Variants in C19orf18 observed in about 807,000 individuals in gnomAD.
C19orf18 encodes the protein uncharacterized protein C19orf18.
Under a neutral mutation model 23.3 loss-of-function variants are expected in C19orf18, and 21 were observed. That is an observed-to-expected ratio of 0.90 (90% CI 0.64 to 1.30). The LOEUF (loss-of-function observed/expected upper bound fraction) is 1.30. Ranked by LOEUF, C19orf18 falls within the 50% of genes most tolerant of loss-of-function variation. C19orf18 has a pLI of 0.00. For missense variants in C19orf18, 249 were observed against 259.6 expected (o/e 0.96, Z 0.28); for synonymous variants, 96 against 95.2 (o/e 1.01, Z -0.05).
intron 4 of C19orf18, among the ~76,000 whole-genome samples, chr19:57,964,223 C>G (rs1376571634): frequency 6.6e-6 from 1 of 152,140 alleles, no homozygotes; most frequent in Admixed American, 6.5e-5. Context: ...AGTTGCATTA[C>G]AAAACTTTAT....
chr19:57,958,835 G>T, intron 5 of C19orf18, 118 bp from the exon 6 acceptor site: 2 of 542,246 alleles, frequency 3.7e-6, no homozygotes, highest in Non-Finnish European at 6.4e-6. Context: ...ATTTTCAGAG[G>T]ATTCATAATG....
chr19:57,973,045 G>A (rs2072956312), intron 2 of C19orf18, among the ~76,000 whole-genome samples: 2 of 150,446 alleles, frequency 1.3e-5, no homozygotes, highest in African/African-American at 2.4e-5. Flanking sequence ...CTACTCAGGA[G>A]GCTGAGGCAG....
chr19:57,966,684 GTCTT>G (rs754746042), intron 3 of C19orf18, 52 bp from the exon 4 acceptor site: 1 of 1,253,976 alleles, frequency 8.0e-7, no homozygotes. Flanking sequence ...TTTTAGCTAT[GTCTT>G]TCAGTTAATA....
intron 3 of C19orf18, among the ~76,000 whole-genome samples, chr19:57,968,482 GT>G (rs2072923089): frequency 6.6e-6 from 1 of 152,146 alleles, no homozygotes; most frequent in Non-Finnish European, 1.5e-5. Context: ...GAAAGGAGGT[GT>G]GATTGCTGGT....
intron 4 of C19orf18, among the ~76,000 whole-genome samples, chr19:57,965,795 G>T (rs2123224620): frequency 1.3e-5 from 2 of 152,024 alleles, no homozygotes; most frequent in South Asian, 4.2e-4. Flanking sequence ...ATAAAATACT[G>T]AATTTTGGGA....
Position 57,961,640 on chromosome 19 carries a change from G to A in C19orf18, c.372-89C>T, listed in dbSNP as rs971255785. ...CATGCCACTTTTTGACAGGAAAGGA[G>A]TCGCTTGTGGAGTGGGTGCAGACAT... On this transcript the variant is annotated intron_variant, in intron 4 of 5. Transcript: ENST00000314391. The A allele has an allele frequency of 2.0e-5, 29 of 1,455,866 alleles. No individual in the cohort carries two copies. In the African/African-American group the frequency reaches 3.7e-4, roughly 19 times the overall value. 90.2% of individuals were successfully genotyped at this position (1,455,866 alleles called of 1,614,324 possible). A position where few individuals can be genotyped will look rare whatever the true frequency, so the allele number is the denominator to read the frequency against.
At chr19:57,964,607 T>C (rs947643737) in intron 4 of C19orf18, among the ~76,000 whole-genome samples, 1 of 152,178 alleles carries the variant, frequency 6.6e-6, no homozygotes, top group Non-Finnish European at 1.5e-5. Flanking sequence ...ATTAAGCGGA[T>C]GTAGTGGAGA....
intron 4 of C19orf18, among the ~76,000 whole-genome samples, chr19:57,964,529 G>A (rs979745774): frequency 5.3e-5 from 8 of 152,134 alleles, no homozygotes; most frequent in African/African-American, 7.2e-5. Flanking sequence ...GGATCCACCC[G>A]CCTCGGCCTC....
At chr19:57,960,739 T>G (rs941630503) in intron 5 of C19orf18, among the ~76,000 whole-genome samples, 1 of 152,228 alleles carries the variant, frequency 6.6e-6, no homozygotes, top group East Asian at 1.9e-4. Context: ...TCCGTGGAAT[T>G]GCCCTGCAAA....
intron 4 of C19orf18, among the ~76,000 whole-genome samples, chr19:57,964,224 A>G (rs902128003): frequency 6.6e-6 from 1 of 152,224 alleles, no homozygotes; most frequent in African/African-American, 2.4e-5. Flanking sequence ...GTTGCATTAC[A>G]AAACTTTATA....
chr19:57,969,577 A>AAAAAAAAAAAAAAAAAAC (rs2072931036), intron 3 of C19orf18, among the ~76,000 whole-genome samples: 1 of 124,904 alleles, frequency 8.0e-6, no homozygotes, highest in Non-Finnish European at 1.9e-5. Flanking sequence ...AAAAAAAAAA[A>AAAAAAAAAAAAAAAAAAC]AAAAAAAAAA....
chr19:57,965,038 T>C (rs773118581), intron 4 of C19orf18, among the ~76,000 whole-genome samples: 10 of 152,192 alleles, frequency 6.6e-5, no homozygotes, highest in Non-Finnish European at 1.5e-4. Context: ...CACTGACACA[T>C]TTCTAGTGAA....
At chr19:57,971,501 C>T (rs747579303) in intron 3 of C19orf18, among the ~76,000 whole-genome samples, 3 of 152,090 alleles carry the variant, frequency 2.0e-5, no homozygotes, top group Admixed American at 1.3e-4. Context: ...AAGACAGCCT[C>T]GCTCTGTTGC....
intron 2 of C19orf18, 97 bp downstream of exon 2, chr19:57,973,990 ATTTTATGGACCT>A: frequency 9.4e-7 from 1 of 1,068,146 alleles, no homozygotes; most frequent in Non-Finnish European, 1.4e-6. Context: ...ATTATACTCT[ATTTTATGGACCT>A]TTCTACCAGC....
intron 1 of C19orf18, 37 bp from the exon 2 acceptor site, chr19:57,974,240 C>A (rs768258236): frequency 6.2e-7 from 1 of 1,613,516 alleles, no homozygotes; most frequent in South Asian, 1.1e-5. Flanking sequence ...AATGTAATTA[C>A]CTTCTTTTTA....
At chr19:57,966,040 C>T (rs998541141) in intron 4 of C19orf18, among the ~76,000 whole-genome samples, 1 of 150,938 alleles carries the variant, frequency 6.6e-6, no homozygotes, top group African/African-American at 2.4e-5. Flanking sequence ...TGCAGTGGCA[C>T]GATCTCGGCT....
chr19:57,969,560 A>T (rs2072929884), intron 3 of C19orf18, among the ~76,000 whole-genome samples: 1 of 134,246 alleles, frequency 7.4e-6, no homozygotes, highest in African/African-American at 2.8e-5. Flanking sequence ...GTCTTAAAAA[A>T]AAACAGAAAA....
At chr19:57,961,093 G>A (rs1224024596) in intron 5 of C19orf18, among the ~76,000 whole-genome samples, 1 of 151,998 alleles carries the variant, frequency 6.6e-6, no homozygotes, top group Non-Finnish European at 1.5e-5. Context: ...AAATTAGCCG[G>A]GCATGGTGGC....
At chr19:57,966,809 T>C (rs977275262) in intron 3 of C19orf18, among the ~76,000 whole-genome samples, 177 bp from the exon 4 acceptor site, 1 of 152,134 alleles carries the variant, frequency 6.6e-6, no homozygotes, top group Admixed American at 6.6e-5. Context: ...TCTCGCTCTA[T>C]CACCCAGGCT....
Sources: allele counts gnomAD v4.1 joint callset (sites outside exome capture counted in the v4.1 genomes callset), GRCh38; gene constraint gnomAD v4.1.1; transcripts MANE v1.5; gene names NCBI Gene and HGNC (gene_info 2026-07-23, HGNC 2026-07-21).